The following CHST9 variants were observed in gnomAD, a reference collection of about 807,000 sequenced individuals.
The protein encoded by CHST9 is GalNAc-4-sulfotransferase 2.
A neutral mutation model predicts 44.4 loss-of-function variants in CHST9; 41 were observed. The ratio of observed to expected loss-of-function variants is 0.92; its 90% CI spans 0.72 to 1.20. The LOEUF (loss-of-function observed/expected upper bound fraction) is 1.20, where lower values mean the gene tolerates loss of function less well. CHST9 is among the 50% of genes most tolerant of loss of function. The pLI is 0.00. For missense variants in CHST9, 504 were observed against 516.5 expected (o/e 0.98, Z 0.23); for synonymous variants, 171 against 178.4 (o/e 0.96, Z 0.33).
At chr18:27,177,280 C>T (rs1373185570) in intron 1 of CHST9, among the ~76,000 whole-genome samples, 1 of 151,768 alleles carries the variant, frequency 6.6e-6, no homozygotes, top group Non-Finnish European at 1.5e-5. Flanking sequence ...CTGTAAAAAA[C>T]TAAATTAATT....
intron 2 of CHST9, among the ~76,000 whole-genome samples, chr18:27,107,906 T>C (rs1217001031): frequency 6.6e-6 from 1 of 152,218 alleles, no homozygotes; most frequent in Non-Finnish European, 1.5e-5. Context: ...TTCCCCATCA[T>C]GTGCATTTCT....
At chr18:27,067,230 C>CT (rs138931040) in intron 2 of CHST9, among the ~76,000 whole-genome samples, 11 of 148,918 alleles carry the variant, frequency 7.4e-5, no homozygotes, top group South Asian at 2.1e-4. Flanking sequence ...CCATAACCGA[C>CT]TTTTTTTTTT....
chr18:27,028,255 T>C (rs2057303826), intron 3 of CHST9, among the ~76,000 whole-genome samples: 2 of 152,182 alleles, frequency 1.3e-5, no homozygotes, highest in Admixed American at 6.5e-5. Context: ...TTATTGAGTC[T>C]TTACAAAACA....
chr18:27,134,522 T>C (rs527629497), intron 2 of CHST9, among the ~76,000 whole-genome samples: 1 of 152,270 alleles, frequency 6.6e-6, no homozygotes, highest in African/African-American at 2.4e-5. Flanking sequence ...CTGGCCAACT[T>C]GCCACTGCTA....
rs766038687 is a variant in CHST9 at position 26,994,268 on chromosome 18, A to G, written c.202+29848T>C. Among the ~76,000 whole-genome samples, 86 of 152,216 alleles carry G rather than the reference A, an allele frequency of 5.6e-4. 1 individual carries two copies. Among genetic ancestry groups the G allele is most frequent in the Non-Finnish European group, 1.9e-4 (13 of 68,040 alleles). On this transcript the variant is annotated intron_variant, in intron 4 of 5. Transcript: ENST00000618847. Reference sequence around the variant, plus strand: ...ACATCAATGTATATATTTAAAAGATAATGCTAGAAATGTGTTTTTCATTTT... The same window carrying G: ...ACATCAATGTATATATTTAAAAGATGATGCTAGAAATGTGTTTTTCATTTT...
intron 3 of CHST9, among the ~76,000 whole-genome samples, chr18:27,024,444 G>C (rs1005833923): frequency 1.3e-5 from 2 of 152,086 alleles, no homozygotes; most frequent in South Asian, 2.1e-4. Flanking sequence ...GCCAGGGACT[G>C]GGGGGTGGGT....
intron 4 of CHST9, among the ~76,000 whole-genome samples, chr18:26,962,868 T>C (rs542717597): frequency 6.6e-6 from 1 of 152,294 alleles, no homozygotes; most frequent in South Asian, 2.1e-4. Flanking sequence ...AGATGGTAGA[T>C]GGTGTGTTTA....
chr18:27,020,969 T>C (rs1202458623), intron 4 of CHST9, among the ~76,000 whole-genome samples: 1 of 152,214 alleles, frequency 6.6e-6, no homozygotes, highest in African/African-American at 2.4e-5. Context: ...AATTCTGGAA[T>C]GAGGTTTAGA....
At chr18:27,150,539 A>AACTAAATG (rs535681456) in intron 1 of CHST9, among the ~76,000 whole-genome samples, 2,684 of 152,314 alleles carry the variant, frequency 0.018, 68 homozygotes, top group African/African-American at 0.059. Context: ...AAAGTCTAAC[A>AACTAAATG]GGCTTACTAC....
At chr18:27,041,582 A>G (rs2057445799) in intron 3 of CHST9, among the ~76,000 whole-genome samples, 2 of 152,094 alleles carry the variant, frequency 1.3e-5, no homozygotes, top group Non-Finnish European at 2.9e-5. Flanking sequence ...TTAAACATCA[A>G]ATATGTGGAG....
intron 2 of CHST9, among the ~76,000 whole-genome samples, chr18:27,112,356 A>G (rs1478741251): frequency 6.6e-6 from 1 of 151,356 alleles, no homozygotes; most frequent in Non-Finnish European, 1.5e-5. Context: ...TAGGGATGGG[A>G]CCGCAGTCTA....
chr18:26,922,911 C>T (rs1184835176), intron 5 of CHST9, among the ~76,000 whole-genome samples: 4 of 152,192 alleles, frequency 2.6e-5, no homozygotes, highest in Admixed American at 2.0e-4. Flanking sequence ...GCTGGGATTA[C>T]AGGCATGAGC....
intron 3 of CHST9, among the ~76,000 whole-genome samples, chr18:27,030,526 T>A (rs2057329227): frequency 6.6e-6 from 1 of 152,192 alleles, no homozygotes; most frequent in South Asian, 2.1e-4. Flanking sequence ...AGATGCAAGA[T>A]CAGTGTCTGA....
At chr18:27,090,163 T>C (rs1054804502) in intron 2 of CHST9, among the ~76,000 whole-genome samples, 3 of 152,194 alleles carry the variant, frequency 2.0e-5, no homozygotes, top group Non-Finnish European at 4.4e-5. Context: ...TGGTATCTCA[T>C]TGTGGTTTTG....
At chr18:26,972,289 G>A (rs541638636) in intron 4 of CHST9, among the ~76,000 whole-genome samples, 5 of 149,280 alleles carry the variant, frequency 3.3e-5, no homozygotes, top group African/African-American at 1.2e-4. Context: ...CCTGGGAGGC[G>A]GAGGTTGTAG....
chr18:27,177,372 C>T (rs1381527901), intron 1 of CHST9, among the ~76,000 whole-genome samples: 1 of 151,552 alleles, frequency 6.6e-6, no homozygotes, highest in African/African-American at 2.4e-5. Context: ...CACTATTTTA[C>T]CTAAATCCTT....
chr18:26,957,476 T>C (rs1333928694), intron 4 of CHST9, among the ~76,000 whole-genome samples: 3 of 152,110 alleles, frequency 2.0e-5, no homozygotes, highest in Non-Finnish European at 2.9e-5. Flanking sequence ...CTGAGAGCTA[T>C]TTAGAAATAG....
intron 1 of CHST9, among the ~76,000 whole-genome samples, chr18:27,154,520 G>GCAA (rs2058683448): frequency 1.3e-5 from 2 of 152,092 alleles, no homozygotes; most frequent in African/African-American, 4.8e-5. Context: ...AGATCACCCG[G>GCAA]ATGTGGTGTG....
chr18:26,923,194 C>T (rs961005395), intron 5 of CHST9, among the ~76,000 whole-genome samples: 1 of 152,100 alleles, frequency 6.6e-6, no homozygotes, highest in African/African-American at 2.4e-5. Context: ...AATCTATTAC[C>T]ATAGTGGCAA....
Sources: allele counts gnomAD v4.1 joint callset (sites outside exome capture counted in the v4.1 genomes callset), GRCh38; gene constraint gnomAD v4.1.1; transcripts MANE v1.5; gene names NCBI Gene and HGNC (gene_info 2026-07-23, HGNC 2026-07-21).